ST8SIA2: variants seen among roughly 807,000 people sequenced by gnomAD.
ST8SIA2 encodes the protein alpha-2,8-sialyltransferase 8B.
A neutral mutation model predicts 37.6 loss-of-function variants in ST8SIA2; 22 were observed. That is an observed-to-expected ratio of 0.58 (90% CI 0.42 to 0.83). The LOEUF (loss-of-function observed/expected upper bound fraction) is 0.83, where lower values mean the gene tolerates loss of function less well. ST8SIA2 is among the 40% of genes least tolerant of loss of function. The pLI is 0.00. For missense variants in ST8SIA2, 382 were observed against 484.7 expected (o/e 0.79, Z 1.99); for synonymous variants, 205 against 201.2 (o/e 1.02, Z -0.16).
chr15:92,454,767 C>T (rs974992762), intron 5 of ST8SIA2, among the ~76,000 whole-genome samples: 4 of 152,060 alleles, frequency 2.6e-5, no homozygotes, highest in African/African-American at 9.7e-5. Flanking sequence ...TGGGGTGGCA[C>T]GGAGCCCTGG....
chr15:92,459,515 AG>A (rs1319281083), intron 5 of ST8SIA2, among the ~76,000 whole-genome samples: 3 of 152,334 alleles, frequency 2.0e-5, no homozygotes, highest in Middle Eastern at 3.4e-3. Flanking sequence ...AAATGACAGA[AG>A]GGGACAAGTT....
chr15:92,453,047 GA>G (rs1291918206), intron 5 of ST8SIA2, among the ~76,000 whole-genome samples: 1 of 152,096 alleles, frequency 6.6e-6, no homozygotes, highest in East Asian at 1.9e-4. Context: ...AGTGAGCAGA[GA>G]AAGGGGAGCA....
intron 5 of ST8SIA2, among the ~76,000 whole-genome samples, chr15:92,456,892 G>A (rs1391636503): frequency 6.6e-6 from 1 of 152,208 alleles, no homozygotes; most frequent in Non-Finnish European, 1.5e-5. Context: ...AGGCAGGGAG[G>A]CCTGGGGATC....
chr15:92,436,276 C>T (rs1157518289), intron 3 of ST8SIA2, among the ~76,000 whole-genome samples: 1 of 152,158 alleles, frequency 6.6e-6, no homozygotes, highest in Admixed American at 6.5e-5. Flanking sequence ...TGAAATCCTC[C>T]TGCCAGTATG....
Position 92,444,774 on chromosome 15 carries a change from G to A in ST8SIA2, c.687G>A (p.Arg229=), listed in dbSNP as rs751919914. The A allele has an allele frequency of 1.2e-6, 2 of 1,614,138 alleles. No homozygotes were observed. Among genetic ancestry groups the A allele is most frequent in the Non-Finnish European group, 1.7e-6 (2 of 1,180,044 alleles). The change falls in exon 5 of 6, where the codon CGG becomes CGA. Residue 229 remains arginine (R), a synonymous_variant. Transcript: ENST00000268164. ...CGTGGCGGGAGAAGCTGCTGCAACG[G>A]CTGCACAGCCTCAATGGCAGCATCC... The part of the protein sequence containing the change: ...NATWREKLLQ[R]LHSLNGSILW...
At chr15:92,429,383 G>A (rs2049698974) in intron 1 of ST8SIA2, among the ~76,000 whole-genome samples, 1 of 152,200 alleles carries the variant, frequency 6.6e-6, no homozygotes, top group African/African-American at 2.4e-5. Context: ...ACCGAATAGA[G>A]TGTAGGGCTG....
chr15:92,446,622 T>G (rs1370692839), intron 5 of ST8SIA2, among the ~76,000 whole-genome samples: 1 of 152,220 alleles, frequency 6.6e-6, no homozygotes, highest in African/African-American at 2.4e-5. Flanking sequence ...TCATTAACAA[T>G]TAAGTTTTCT....
At chr15:92,443,244 G>A (rs1417349503) in intron 4 of ST8SIA2, among the ~76,000 whole-genome samples, 1 of 152,116 alleles carries the variant, frequency 6.6e-6, no homozygotes, top group Non-Finnish European at 1.5e-5. Context: ...TATTTTCACT[G>A]GTCAAAGGGC....
chr15:92,423,736 C>G (rs1370230433), intron 1 of ST8SIA2, among the ~76,000 whole-genome samples: 1 of 152,256 alleles, frequency 6.6e-6, no homozygotes, highest in African/African-American at 2.4e-5. Flanking sequence ...GACCTAAACA[C>G]CTGCCATTAG....
At chr15:92,462,161 C>G (rs1237799063) in intron 5 of ST8SIA2, among the ~76,000 whole-genome samples, 3 of 152,194 alleles carry the variant, frequency 2.0e-5, no homozygotes, top group Admixed American at 2.0e-4. Flanking sequence ...ATTCTGGCCA[C>G]CTAGGACCAC....
Position 92,453,655 on chromosome 15 carries a change from C to T in ST8SIA2, c.842+8726C>T, listed in dbSNP as rs565241193. On this transcript the variant is annotated intron_variant, in intron 5 of 5. Transcript: ENST00000268164. ...TGGCCAGATCCCACTTAGAGAATCA[C>T]ATTTTTCTTTAGGTGCCAGGCCAGA... Among the ~76,000 whole-genome samples the T allele has an allele frequency of 9.1e-4, 139 of 152,314 alleles. 1 individual carries two copies. Among genetic ancestry groups the T allele is most frequent in the Admixed American group, 1.2e-3 (19 of 15,300 alleles).
intron 1 of ST8SIA2, among the ~76,000 whole-genome samples, chr15:92,406,572 G>T (rs1456039799): frequency 1.3e-5 from 2 of 152,230 alleles, no homozygotes; most frequent in Non-Finnish European, 2.9e-5. Flanking sequence ...TGGTTTCCCT[G>T]CCTTCTACAG....
Position 92,464,574 on chromosome 15 carries a change from G to A in ST8SIA2, c.*189G>A. 1.5e-6 allele frequency: 1 copy of A among 673,664 alleles called. No individual in the cohort carries two copies. The highest frequency in any genetic ancestry group is 1.9e-5 in the South Asian group (1 of 53,500). 41.7% of individuals were successfully genotyped at this position (673,664 alleles called of 1,614,324 possible). On this transcript the variant is annotated 3_prime_UTR_variant, in exon 6 of 6. Transcript: ENST00000268164. ...TATTGACCTGAGTATTTATAACTGTGTGGTGTTCATCTAGCATTAGGCAGA... is the reference window on the plus strand; with the variant it reads ...TATTGACCTGAGTATTTATAACTGTATGGTGTTCATCTAGCATTAGGCAGA...
chr15:92,425,767 G>A (rs1023134616), intron 1 of ST8SIA2, among the ~76,000 whole-genome samples: 2 of 152,134 alleles, frequency 1.3e-5, no homozygotes, highest in Non-Finnish European at 1.5e-5. Flanking sequence ...GGGAGCTGTC[G>A]CTAGTTGCAT....
rs185485994 is a variant in ST8SIA2, at chr15:92,401,817, A to G, written c.98+7655A>G. ...AAACAATTCCTCCTCCTCCTCCTCCAGCTTCTTAGTTGATGGCCAAAGGAT... is the reference window on the plus strand; with the variant it reads ...AAACAATTCCTCCTCCTCCTCCTCCGGCTTCTTAGTTGATGGCCAAAGGAT... On this transcript the variant is annotated intron_variant, in intron 1 of 5. Coordinates refer to ENST00000268164, the MANE Select transcript of ST8SIA2 (RefSeq NM_006011.4). Among the ~76,000 whole-genome samples the G allele has an allele frequency of 3.5e-4, 53 of 151,426 alleles. No individual in the cohort carries two copies. In the South Asian group the frequency reaches 0.011, roughly 31 times the overall value.
intron 1 of ST8SIA2, among the ~76,000 whole-genome samples, chr15:92,409,276 G>A (rs554873158): frequency 6.6e-6 from 1 of 152,106 alleles, no homozygotes; most frequent in Non-Finnish European, 1.5e-5. Context: ...TAGGGAGGAG[G>A]GTTTTCAAAT....
At chr15:92,438,014 G>T (rs1453029911) in intron 3 of ST8SIA2, among the ~76,000 whole-genome samples, 2 of 152,202 alleles carry the variant, frequency 1.3e-5, no homozygotes, top group African/African-American at 2.4e-5. Flanking sequence ...GGCAGTCCTG[G>T]GGAAACTGGG....
intron 1 of ST8SIA2, among the ~76,000 whole-genome samples, chr15:92,418,848 T>C (rs1381398928): frequency 6.6e-6 from 1 of 152,200 alleles, no homozygotes; most frequent in Non-Finnish European, 1.5e-5. Flanking sequence ...AGGAATTTTA[T>C]GCCATTTTAA....
intron 5 of ST8SIA2, among the ~76,000 whole-genome samples, chr15:92,455,523 CCCCTTTTT>C (rs2049913973): frequency 6.6e-6 from 1 of 152,144 alleles, no homozygotes; most frequent in African/African-American, 2.4e-5. Flanking sequence ...CCAAAAATAA[CCCCTTTTT>C]ACACCTACGG....
Sources: allele counts gnomAD v4.1 joint callset (sites outside exome capture counted in the v4.1 genomes callset), GRCh38; gene constraint gnomAD v4.1.1; transcripts MANE v1.5; gene names NCBI Gene and HGNC (gene_info 2026-07-23, HGNC 2026-07-21).